PRAG1: variants seen among roughly 807,000 people sequenced by gnomAD.
PRAG1 encodes the protein PEAK1 related, kinase-activating pseudokinase 1, also known as inactive tyrosine-protein kinase PRAG1.
A neutral mutation model predicts 95.6 loss-of-function variants in PRAG1; 110 were observed. The observed-to-expected ratio is 1.15, with a 90% CI of 0.99 to 1.35. The LOEUF is 1.35. Ranked by LOEUF, PRAG1 falls within the 40% of genes most tolerant of loss-of-function variation. The pLI is 0.00. For synonymous variants in PRAG1, 1,052 were observed against 819.4 expected (o/e 1.28, Z -4.85); for missense variants, 2,554 against 1,864.7 (o/e 1.37, Z -6.81).
chr8:8,347,739 A>T (rs535956006), intron 3 of PRAG1, among the ~76,000 whole-genome samples: 2 of 152,260 alleles, frequency 1.3e-5, no homozygotes, highest in East Asian at 3.9e-4. Flanking sequence ...AGCTGACAAG[A>T]TCCCTGTGCT....
chr8:8,330,490 T>C (rs1165790139), intron 4 of PRAG1, among the ~76,000 whole-genome samples: 1 of 152,164 alleles, frequency 6.6e-6, no homozygotes, highest in Non-Finnish European at 1.5e-5. Context: ...GCCCTTCCCA[T>C]TTGCTAATGA....
intron 5 of PRAG1, among the ~76,000 whole-genome samples, chr8:8,326,610 C>A (rs1798644872): frequency 6.6e-6 from 1 of 152,214 alleles, no homozygotes; most frequent in African/African-American, 2.4e-5. Context: ...CTAGCTCACA[C>A]AGAGCTGCAC....
chr8:8,330,942 C>A (rs1047988296), intron 4 of PRAG1, among the ~76,000 whole-genome samples: 15 of 152,190 alleles, frequency 9.9e-5, no homozygotes, highest in East Asian at 1.9e-4. Context: ...AAACTCCCAG[C>A]CTGATGAGCA....
intron 3 of PRAG1, among the ~76,000 whole-genome samples, chr8:8,347,040 C>A (rs997951602): frequency 7.9e-5 from 12 of 152,248 alleles, no homozygotes; most frequent in African/African-American, 2.9e-4. Flanking sequence ...GTTCTGAAAG[C>A]AAGAACAAGT....
At chr8:8,361,563 G>T (rs551353973) in intron 3 of PRAG1, among the ~76,000 whole-genome samples, 1 of 152,234 alleles carries the variant, frequency 6.6e-6, no homozygotes, top group African/African-American at 2.4e-5. Context: ...GTTTTCAGAG[G>T]GTAAAGAAGA....
rs1009736857 is a variant in PRAG1 at position 8,328,000 on chromosome 8, G to A, written c.2782C>T (p.Gln928Ter). The A allele has an allele frequency of 1.0e-5, 16 of 1,591,512 alleles. No homozygotes were observed. The highest frequency in any genetic ancestry group is 1.1e-5 in the Non-Finnish European group (13 of 1,167,798). The change falls in exon 5 of 6, where the codon CAA becomes TAA. Residue 928 changes from glutamine (Q) to a stop codon, truncating the protein, a stop_gained. Coordinates refer to ENST00000615670, the MANE Select transcript of PRAG1 (RefSeq NM_001080826.3). LOFTEE classifies it high-confidence loss of function. ...ASSSQLSVSS[Q>*]ASTGSTQLQL... ...AGCTGGGTGCTCCCGGTGGAGGCTT[G>A]ACTGGACACGCTCAGCTGGGAGGAT...
intron 3 of PRAG1, among the ~76,000 whole-genome samples, chr8:8,368,538 T>C (rs1421455217): frequency 6.6e-6 from 1 of 152,218 alleles, no homozygotes; most frequent in Non-Finnish European, 1.5e-5. Context: ...CTATCAACCC[T>C]GATAGAAGGA....
chr8:8,380,636 A>ACAAGGT (rs576303077), intron 2 of PRAG1, among the ~76,000 whole-genome samples: 239 of 152,212 alleles, frequency 1.6e-3, no homozygotes, highest in African/African-American at 5.6e-3. Context: ...TGGGCAGATC[A>ACAAGGT]CAAGGTCAAG....
At chr8:8,374,803 G>C (rs1412459028) in intron 3 of PRAG1, 2 of 515,340 alleles carry the variant, frequency 3.9e-6, no homozygotes, top group African/African-American at 4.1e-5. Context: ...ACCCACGTTA[G>C]ATCACATCAG....
In PRAG1 at chr8:8,377,679, G is replaced by A. The variant is rs376220435; in HGVS notation, c.730C>T (p.Pro244Ser). The change falls in exon 3 of 6, where the codon CCC becomes TCC. Residue 244 changes from proline to serine, a missense_variant. Pro to Ser is a moderately conservative substitution (Grantham distance 74). Coordinates refer to ENST00000615670, the MANE Select transcript of PRAG1 (RefSeq NM_001080826.3). ...TCTCCACCCTCGCTGTCCCCGGAGG[G>A]CGAGCACCTTTGATCACTGTCATCC... is the stretch of plus-strand genomic sequence containing the variant. ...SEDDSDQRCS[P>S]SGDSEGGEYC... 7.0e-5 allele frequency: 113 copies of A among 1,613,730 alleles called. No homozygotes were observed. The highest frequency in any genetic ancestry group is 8.6e-5 in the Non-Finnish European group (102 of 1,180,016).
Position 8,329,618 on chromosome 8 carries a change from T to G in PRAG1, c.2321-1157A>C, listed in dbSNP as rs947918181. Among the ~76,000 whole-genome samples, 3 of 152,316 alleles carry G rather than the reference T, an allele frequency of 2.0e-5. No homozygotes were observed. In the East Asian group the frequency reaches 5.8e-4, roughly 29 times the overall value. On this transcript the variant is annotated intron_variant, in intron 4 of 5. Transcript: ENST00000615670. ...CAAAGGAAGCAAATTATGAGTCTTG[T>G]GTCACCTCACTCAGGTGCACAGGAC...
At chr8:8,332,318 C>G (rs992639717) in intron 4 of PRAG1, among the ~76,000 whole-genome samples, 1 of 148,964 alleles carries the variant, frequency 6.7e-6, no homozygotes, top group Admixed American at 6.6e-5. Context: ...CCCACCATCA[C>G]GCCCAGCTAA....
chr8:8,381,667 G>C lies in PRAG1; in HGVS notation c.81C>G (p.Pro27=). 1.2e-6 allele frequency: 2 copies of C among 1,613,786 alleles called. No individual in the cohort carries two copies. The highest frequency in any genetic ancestry group is 1.7e-6 in the Non-Finnish European group (2 of 1,179,780). Residue 27 remains proline (P), a synonymous_variant, in exon 2 of 6, where the codon CCC becomes CCG. Coordinates refer to ENST00000615670, the MANE Select transcript of PRAG1 (RefSeq NM_001080826.3). ...CSDFVEHIWK[P]GSCKNCFCLR... is the part of the protein sequence containing the mutation. ...GGCAGAAGCAGTTCTTGCAGGACCC[G>C]GGTTTCCAGATGTGCTCCACAAAGT... is the stretch of plus-strand genomic sequence containing the variant.
intron 2 of PRAG1, among the ~76,000 whole-genome samples, chr8:8,380,743 C>T (rs1045988102): frequency 6.6e-6 from 1 of 150,760 alleles, no homozygotes; most frequent in African/African-American, 2.5e-5. Flanking sequence ...ATCCCAGCTA[C>T]TCAGGAGGCT....
intron 3 of PRAG1, among the ~76,000 whole-genome samples, chr8:8,344,649 T>C (rs1799275998): frequency 6.6e-6 from 1 of 152,232 alleles, no homozygotes; most frequent in Non-Finnish European, 1.5e-5. Flanking sequence ...TAAATTATTA[T>C]CTGAACTTCA....
chr8:8,360,158 C>T (rs1341960218), intron 3 of PRAG1, among the ~76,000 whole-genome samples: 2 of 152,100 alleles, frequency 1.3e-5, no homozygotes, highest in East Asian at 3.8e-4. Flanking sequence ...GAGCCCCTGA[C>T]CCCTCTATTC....
chr8:8,322,342 G>A (rs900275463), intron 5 of PRAG1, among the ~76,000 whole-genome samples: 7 of 152,058 alleles, frequency 4.6e-5, no homozygotes, highest in East Asian at 1.9e-4. Flanking sequence ...CACCACACTC[G>A]ACTAAATTTT....
rs374749315 is a variant in PRAG1 at position 8,349,421 on chromosome 8, C to T, written c.2163-9786G>A. Among the ~76,000 whole-genome samples the T allele has an allele frequency of 3.9e-5, 6 of 152,048 alleles. No individual in the cohort carries two copies. In the East Asian group the frequency reaches 7.7e-4, roughly 20 times the overall value. ...TCAGCCTCCTGAGTAGCTGGTACTACAGGCGCCCGCCACCTCGCCAGGCTA... is the reference window on the plus strand; with the variant it reads ...TCAGCCTCCTGAGTAGCTGGTACTATAGGCGCCCGCCACCTCGCCAGGCTA... On this transcript the variant is annotated intron_variant, in intron 3 of 5. Coordinates refer to ENST00000615670, the MANE Select transcript of PRAG1 (RefSeq NM_001080826.3).
intron 3 of PRAG1, among the ~76,000 whole-genome samples, chr8:8,372,178 T>G (rs149068565): frequency 6.6e-6 from 1 of 152,210 alleles, no homozygotes; most frequent in African/African-American, 2.4e-5. Context: ...AATTTGGTTC[T>G]TTCTCATCTT....
Sources: allele counts gnomAD v4.1 joint callset (sites outside exome capture counted in the v4.1 genomes callset), GRCh38; gene constraint gnomAD v4.1.1; transcripts MANE v1.5; gene names NCBI Gene and HGNC (gene_info 2026-07-23, HGNC 2026-07-21).